DAB1: variants seen among roughly 807,000 people sequenced by gnomAD.
The protein encoded by DAB1 is disabled homolog 1.
DAB1 carries 15 observed loss-of-function variants against 64.6 expected under a neutral mutation model. The ratio of observed to expected loss-of-function variants is 0.23; its 90% CI spans 0.16 to 0.36. The LOEUF (loss-of-function observed/expected upper bound fraction) is 0.36. DAB1 is among the 10% of genes least tolerant of loss of function. The pLI, the probability that DAB1 is intolerant of heterozygous loss-of-function variation, is 1.00. For missense variants in DAB1, 596 were observed against 706.7 expected, an observed-to-expected ratio of 0.84 and a Z score of 1.78; for synonymous variants, 235 against 251.9, an observed-to-expected ratio of 0.93 and a Z score of 0.64.
At chr1:57,565,215 G>A (rs1645103235) in intron 7 of DAB1, among the ~76,000 whole-genome samples, 1 of 152,132 alleles carries the variant, frequency 6.6e-6, no homozygotes, top group Non-Finnish European at 1.5e-5. Flanking sequence ...TTCCAGACAA[G>A]CAAATGCTGA....
intron 6 of DAB1, among the ~76,000 whole-genome samples, chr1:57,791,736 C>T (rs79522955): frequency 0.013 from 2,039 of 152,264 alleles, 44 homozygotes; most frequent in African/African-American, 0.047. Flanking sequence ...GCCTGAGACC[C>T]GGGCTCCCCA....
rs17115369 is a variant in DAB1 at position 57,210,420 on chromosome 1, C to T, written c.68-64991G>A. The stretch of plus-strand genomic sequence containing the variant: ...AAAATAATGCATAAAACATTTCAGC[C>T]TGTGTCCTGGTAGGTAAAGACAGCA... On this transcript the variant is annotated intron_variant, in intron 2 of 14. Coordinates refer to ENST00000371236, the MANE Select transcript of DAB1 (RefSeq NM_001365792.1). Among the ~76,000 whole-genome samples the T allele has an allele frequency of 3.8e-3, 572 of 152,196 alleles. 1 individual carries two copies. Among genetic ancestry groups the T allele is most frequent in the African/African-American group, 0.013 (541 of 41,502 alleles).
intron 1 of DAB1, among the ~76,000 whole-genome samples, chr1:57,345,417 G>C (rs950517360): frequency 3.3e-5 from 5 of 152,148 alleles, no homozygotes; most frequent in East Asian, 1.9e-4. Flanking sequence ...GGTCAATAAA[G>C]GGAAAATAAG....
At chr1:57,771,151 A>G (rs1649543833) in intron 6 of DAB1, among the ~76,000 whole-genome samples, 1 of 152,138 alleles carries the variant, frequency 6.6e-6, no homozygotes, top group East Asian at 1.9e-4. Context: ...CCTGAAAAAT[A>G]GTTCTTTAAT....
chr1:58,269,312 A>G (rs559918163), intron 4 of DAB1, among the ~76,000 whole-genome samples: 2 of 151,424 alleles, frequency 1.3e-5, no homozygotes, highest in African/African-American at 4.8e-5. Flanking sequence ...ATGACTTCCA[A>G]TTTCATCCAT....
chr1:57,074,051 G>A (rs941732918), intron 4 of DAB1, among the ~76,000 whole-genome samples: 2 of 152,048 alleles, frequency 1.3e-5, no homozygotes, highest in African/African-American at 4.8e-5. Context: ...TCATTTTTTT[G>A]TAGAGATGGG....
At chr1:57,528,312 T>C (rs948910351) in intron 7 of DAB1, among the ~76,000 whole-genome samples, 2 of 151,988 alleles carry the variant, frequency 1.3e-5, no homozygotes, top group African/African-American at 4.8e-5. Flanking sequence ...TAGAGGCCAA[T>C]AGATATCTAA....
At chr1:58,092,064 C>T (rs1484859698) in intron 5 of DAB1, among the ~76,000 whole-genome samples, 5 of 151,958 alleles carry the variant, frequency 3.3e-5, no homozygotes, top group Admixed American at 1.3e-4. Context: ...TCACCGGGAG[C>T]GATGGCTCAC....
At chr1:57,180,310 T>G (rs894667581) in intron 2 of DAB1, among the ~76,000 whole-genome samples, 9 of 152,210 alleles carry the variant, frequency 5.9e-5, no homozygotes, top group African/African-American at 2.2e-4. Context: ...TTTTGGCTAG[T>G]AACAGTTTTC....
At chr1:58,068,759 C>G (rs1649028041) in intron 5 of DAB1, among the ~76,000 whole-genome samples, 1 of 142,798 alleles carries the variant, frequency 7.0e-6, no homozygotes, top group African/African-American at 2.6e-5. Context: ...GAGTGAGACT[C>G]CATCTCAAAA....
intron 7 of DAB1, among the ~76,000 whole-genome samples, chr1:57,619,508 C>A (rs989729490): frequency 6.6e-6 from 1 of 152,130 alleles, no homozygotes; most frequent in East Asian, 1.9e-4. Context: ...TCAGGTGATC[C>A]TTTCACCTCA....
chr1:58,137,290 T>C (rs1654001043), intron 5 of DAB1, among the ~76,000 whole-genome samples: 1 of 152,230 alleles, frequency 6.6e-6, no homozygotes, highest in Non-Finnish European at 1.5e-5. Flanking sequence ...TAACTTGCCT[T>C]AGGGCACACA....
intron 1 of DAB1, chr1:58,534,054 G>T (rs1371564544): frequency 1.1e-6 from 1 of 870,378 alleles, no homozygotes; most frequent in Non-Finnish European, 2.0e-6. Context: ...ACAAACATTT[G>T]TCCATTCTGC....
At chr1:57,735,609 G>GTTTTTTTTTTTTTTTTTTTTTTTTTTT (rs59456674) in intron 6 of DAB1, among the ~76,000 whole-genome samples, 1 of 95,198 alleles carries the variant, frequency 1.1e-5, no homozygotes, top group Non-Finnish European at 2.0e-5. Flanking sequence ...CTGTTTGCTT[G>GTTTTTTTTTTTTTTTTTTTTTTTTTTT]TTTTTTTTTT....
chr1:57,343,754 A>AG (rs2100837527), intron 1 of DAB1, among the ~76,000 whole-genome samples: 1 of 152,142 alleles, frequency 6.6e-6, no homozygotes, highest in East Asian at 1.9e-4. Context: ...GCCCGCAAGC[A>AG]CGGTGTGCAG....
intron 7 of DAB1, among the ~76,000 whole-genome samples, chr1:57,587,688 C>G (rs2101564426): frequency 6.6e-6 from 1 of 152,276 alleles, no homozygotes; most frequent in South Asian, 2.1e-4. Context: ...GCTTGACCTC[C>G]TCAATTATCT....
chr1:58,280,748 T>G (rs1229170321), intron 4 of DAB1, among the ~76,000 whole-genome samples: 1 of 152,218 alleles, frequency 6.6e-6, no homozygotes, highest in East Asian at 1.9e-4. Flanking sequence ...CCCTTGGATC[T>G]TGCAGAATTG....
At chr1:57,012,868 C>T (rs1646307189) in intron 12 of DAB1, among the ~76,000 whole-genome samples, 1 of 152,256 alleles carries the variant, frequency 6.6e-6, no homozygotes, top group African/African-American at 2.4e-5. Context: ...ACTGCTCAGA[C>T]TTACCTAATG....
intron 7 of DAB1, among the ~76,000 whole-genome samples, chr1:57,534,580 G>T (rs1188496914): frequency 2.0e-5 from 3 of 152,208 alleles, no homozygotes; most frequent in South Asian, 2.1e-4. Flanking sequence ...ATAAGGGAGA[G>T]CCCACGCTGT....
Sources: gnomAD v4.1 joint callset for allele counts (sites outside exome capture counted in the v4.1 genomes callset) on GRCh38, gnomAD v4.1.1 for gene constraint, MANE v1.5 for transcripts, NCBI Gene and HGNC (gene_info 2026-07-23, HGNC 2026-07-21) for gene names.